Variants in LTBP1 observed in about 807,000 individuals in gnomAD.
LTBP1 encodes latent-transforming growth factor beta-binding protein 1.
A neutral mutation model predicts 207.6 loss-of-function variants in LTBP1; 129 were observed. The ratio of observed to expected loss-of-function variants is 0.62; its 90% CI spans 0.54 to 0.72. The LOEUF (loss-of-function observed/expected upper bound fraction) is 0.72. Among genes scored for constraint, LTBP1 ranks in the 30% least tolerant of loss-of-function variants. LTBP1 has a pLI of 0.00. For missense variants in LTBP1, 2,281 were observed against 2,217.2 expected, an observed-to-expected ratio of 1.03 and a Z score of -0.58; for synonymous variants, 963 against 833.7, an observed-to-expected ratio of 1.16 and a Z score of -2.67.
At chr2:33,097,344 A>T (rs908234476) in intron 3 of LTBP1, among the ~76,000 whole-genome samples, 1 of 152,202 alleles carries the variant, frequency 6.6e-6, no homozygotes, top group Admixed American at 6.5e-5. Flanking sequence ...AAAAGTCAAT[A>T]TGTAAAGTTC....
At chr2:33,348,201 T>C (rs556974953) in intron 26 of LTBP1, among the ~76,000 whole-genome samples, 209 of 152,268 alleles carry the variant, frequency 1.4e-3, no homozygotes, top group African/African-American at 4.8e-3. Flanking sequence ...AAATGAAACA[T>C]AGACCATTTT....
At chr2:33,316,114 T>G (rs1228774130) in intron 24 of LTBP1, among the ~76,000 whole-genome samples, 2 of 152,086 alleles carry the variant, frequency 1.3e-5, no homozygotes, top group Non-Finnish European at 2.9e-5. Context: ...CTTGGCTTCC[T>G]ACTTACAACC....
chr2:33,285,411 C>T (rs905636448), intron 19 of LTBP1, among the ~76,000 whole-genome samples: 1 of 150,100 alleles, frequency 6.7e-6, no homozygotes. Flanking sequence ...TTTAATTCTT[C>T]TTATGTCATT....
chr2:33,272,041 C>G (rs1427583052), intron 15 of LTBP1, among the ~76,000 whole-genome samples: 1 of 152,196 alleles, frequency 6.6e-6, no homozygotes, highest in East Asian at 1.9e-4. Flanking sequence ...GGTGTGCATA[C>G]ATTTCTCATA....
intron 5 of LTBP1, 73 bp from the exon 6 acceptor site, chr2:33,186,783 G>C: frequency 8.6e-7 from 1 of 1,169,572 alleles, no homozygotes; most frequent in Admixed American, 1.9e-5. Flanking sequence ...TGTTTTGCAG[G>C]TTTTGTTGGT....
Position 33,252,657 on chromosome 2 carries a change from G to A in LTBP1, c.2000-20G>A, listed in dbSNP as rs1438831538. ...GTTTTGGTTTCTCATGTAATGTCGG[G>A]CTTTATCTCTCTGCTTCAGCTGATC... On this transcript the variant is annotated intron_variant, in intron 10 of 33. Transcript: ENST00000404816. 1.3e-6 allele frequency: 2 copies of A among 1,594,718 alleles called. No individual in the cohort carries two copies. Among genetic ancestry groups the A allele is most frequent in the Admixed American group, 3.4e-5 (2 of 59,144 alleles).
At chr2:32,992,589 A>G (rs1684586372) in intron 2 of LTBP1, among the ~76,000 whole-genome samples, 1 of 152,192 alleles carries the variant, frequency 6.6e-6, no homozygotes, top group South Asian at 2.1e-4. Flanking sequence ...ATTCCATTGC[A>G]GGAGCACAGA....
chr2:32,964,475 C>T (rs1459838356), intron 2 of LTBP1, among the ~76,000 whole-genome samples: 2 of 151,896 alleles, frequency 1.3e-5, no homozygotes, highest in Non-Finnish European at 2.9e-5. Context: ...GCATTTTTTC[C>T]CCAAGGGAAA....
Position 33,398,520 on chromosome 2 carries a change from T to C in LTBP1, c.5141T>C (p.Leu1714Ser), listed in dbSNP as rs766483693. 4 of 1,614,034 alleles carry C rather than the reference T, an allele frequency of 2.5e-6. No homozygotes were observed. The East Asian group carries it at 8.9e-5, about 36-fold the overall frequency. ...ACTCCGTTGAATACCGCCTTGAATT[T>C]AGAGAAAGACAGTGACCTGGAGTGA... ...YCTPLNTALN[L>S]EKDSDLE Residue 1714 changes from leucine (L) to serine (S), a missense_variant, in exon 34 of 34, where the codon TTA becomes TCA. Physicochemically the swap from Leu to Ser is moderately radical, Grantham distance 145 (BLOSUM62 -2). Around this residue, in one of 3 missense-constraint regions of LTBP1, gnomAD observed 1,671 missense variants for 1,634.8 expected, o/e 1.02. Transcript: ENST00000404816.
chr2:32,951,130 A>G (rs943954131), intron 2 of LTBP1, among the ~76,000 whole-genome samples: 7 of 152,214 alleles, frequency 4.6e-5, no homozygotes, highest in Admixed American at 6.5e-5. Context: ...CCTACAACCA[A>G]TGCTTCCAGC....
At chr2:33,340,035 T>G (rs2094598755) in intron 24 of LTBP1, among the ~76,000 whole-genome samples, 1 of 151,914 alleles carries the variant, frequency 6.6e-6, no homozygotes, top group African/African-American at 2.4e-5. Flanking sequence ...TAAGTTTAAG[T>G]TCATGGCAGA....
At chr2:33,253,024 T>G (rs913831496) in intron 11 of LTBP1, among the ~76,000 whole-genome samples, 180 bp downstream of exon 11, 12 of 152,242 alleles carry the variant, frequency 7.9e-5, no homozygotes, top group Admixed American at 3.3e-4. Flanking sequence ...GAAAAAATTA[T>G]GTGCAAAGAG....
intron 5 of LTBP1, among the ~76,000 whole-genome samples, chr2:33,151,793 A>G (rs1401109462): frequency 6.7e-6 from 1 of 148,610 alleles, no homozygotes; most frequent in Non-Finnish European, 1.5e-5. Flanking sequence ...CATTAATTCC[A>G]TCCTTTTTAT....
chr2:33,164,503 T>G (rs892101577), intron 5 of LTBP1, among the ~76,000 whole-genome samples: 1 of 152,116 alleles, frequency 6.6e-6, no homozygotes, highest in African/African-American at 2.4e-5. Flanking sequence ...GATGTGGGCC[T>G]ATCTTGCTAA....
intron 3 of LTBP1, among the ~76,000 whole-genome samples, chr2:33,069,920 G>C (rs1001128626): frequency 6.6e-6 from 1 of 152,198 alleles, no homozygotes; most frequent in Non-Finnish European, 1.5e-5. Flanking sequence ...TACTTGGTCT[G>C]TTGATCCTGT....
intron 26 of LTBP1, among the ~76,000 whole-genome samples, chr2:33,349,716 C>T (rs551316298): frequency 9.5e-4 from 144 of 152,324 alleles, no homozygotes; most frequent in Non-Finnish European, 1.6e-3. Context: ...ACTGAATCAA[C>T]TTTATCTAAT....
intron 3 of LTBP1, among the ~76,000 whole-genome samples, chr2:33,068,321 G>A (rs2077619745): frequency 6.6e-6 from 1 of 151,912 alleles, no homozygotes; most frequent in South Asian, 2.1e-4. Context: ...CCAAAATGAA[G>A]GGAAATAGAT....
chr2:33,156,213 G>A (rs1020128663), intron 5 of LTBP1, among the ~76,000 whole-genome samples: 2 of 152,212 alleles, frequency 1.3e-5, no homozygotes, highest in African/African-American at 4.8e-5. Context: ...CAAGCAGGTA[G>A]CACAGCTAGG....
intron 5 of LTBP1, among the ~76,000 whole-genome samples, chr2:33,143,395 G>A (rs1244625569): frequency 6.6e-6 from 1 of 152,120 alleles, no homozygotes; most frequent in African/African-American, 2.4e-5. Context: ...TTGTTTATGC[G>A]GCTGCCTGGG....
Sources: allele counts gnomAD v4.1 joint callset (sites outside exome capture counted in the v4.1 genomes callset), GRCh38; gene constraint gnomAD v4.1.1; regional missense constraint gnomAD v4.1.1; transcripts MANE v1.5; gene names NCBI Gene and HGNC (gene_info 2026-07-23, HGNC 2026-07-21).